SLC25A43: variants seen among roughly 807,000 people sequenced by gnomAD.
SLC25A43 encodes the protein solute carrier family 25 member 43.
In SLC25A43, 10 loss-of-function variants were observed where a neutral mutation model predicts 22.8. The ratio of observed to expected loss-of-function variants is 0.44; its 90% confidence interval spans 0.27 to 0.74. The LOEUF (loss-of-function observed/expected upper bound fraction) is 0.74, where lower values mean the gene tolerates loss of function less well. Ranked by LOEUF, SLC25A43 falls within the 30% of genes least tolerant of loss-of-function variation. The pLI, the probability that SLC25A43 is intolerant of heterozygous loss-of-function variation, is 0.17. For missense variants in SLC25A43, 233 were observed against 279.1 expected, an observed-to-expected ratio of 0.83 and a Z score of 1.18; for synonymous variants, 106 against 121.6, an observed-to-expected ratio of 0.87 and a Z score of 0.84.
intron 3 of SLC25A43, among the ~76,000 whole-genome samples, chrX:119,448,270 A>G (rs1391432583): frequency 1.8e-5 from 2 of 111,020 alleles, no homozygotes; most frequent in Non-Finnish European, 3.8e-5. Flanking sequence ...TACTCTAGTA[A>G]TCTCCTAACC....
At chrX:119,448,531 T>C (rs1360445149) in intron 3 of SLC25A43, among the ~76,000 whole-genome samples, 1 of 111,272 alleles carries the variant, frequency 9.0e-6, no homozygotes, top group African/African-American at 3.3e-5. Flanking sequence ...CACATTGGCC[T>C]CCTCATTGCC....
intron 3 of SLC25A43, 66 bp downstream of exon 3, chrX:119,410,428 A>G: frequency 9.0e-7 from 1 of 1,105,509 alleles, no homozygotes; most frequent in Non-Finnish European, 1.2e-6. Flanking sequence ...GGGTAATAAC[A>G]GCAAAGAACA....
chrX:119,433,344 T>C (rs1000085996), intron 3 of SLC25A43, among the ~76,000 whole-genome samples: 2 of 111,595 alleles, frequency 1.8e-5, no homozygotes, highest in African/African-American at 6.5e-5. Context: ...ACTCACATTA[T>C]GGACAGGAAT....
At chrX:119,444,556 A>T (rs1167694897) in intron 3 of SLC25A43, among the ~76,000 whole-genome samples, 3 of 109,348 alleles carry the variant, frequency 2.7e-5, no homozygotes, top group Non-Finnish European at 5.7e-5. Flanking sequence ...ATACAAAAAA[A>T]GCCAGGCATG....
At chrX:119,452,299 C>T (rs1037461085) in intron 4 of SLC25A43, among the ~76,000 whole-genome samples, 156 bp downstream of exon 4, 1 of 111,135 alleles carries the variant, frequency 9.0e-6, no homozygotes, top group African/African-American at 3.3e-5. Flanking sequence ...CTGTCAGCCC[C>T]GTAGAGAGGG....
In SLC25A43 at chrX:119,452,038, A is replaced by G. The variant is rs1218825911; in HGVS notation, c.720A>G (p.Gly240=). The G allele has an allele frequency of 1.7e-6, 2 of 1,211,122 alleles. No homozygotes were observed. The highest frequency in any genetic ancestry group is 3.5e-5 in the African/African-American group (2 of 57,704). ...QAQSPYLPHS[G]GVDVHFSGAV... is the part of the protein sequence containing the mutation. The stretch of plus-strand genomic sequence containing the variant: ...AGAGCCCCTACCTCCCACACAGTGG[A>G]GGAGTAGATGTCCATTTCTCAGGAG... The change falls in exon 4 of 5, where the codon GGA becomes GGG. Residue 240 remains glycine (G), a synonymous_variant. Transcript: ENST00000217909.
At chrX:119,445,751 C>T (rs749335826) in intron 3 of SLC25A43, among the ~76,000 whole-genome samples, 20 of 111,055 alleles carry the variant, frequency 1.8e-4, no homozygotes, top group Non-Finnish European at 3.6e-4. Context: ...ATCTTAGGGT[C>T]CATTTCAGAT....
chrX:119,443,116 CTTTTT>C lies in SLC25A43; in HGVS notation c.691-8876_691-8872del, dbSNP rs58081965. Among the ~76,000 whole-genome samples, 131 of 73,451 alleles carry C rather than the reference CTTTTT, an allele frequency of 1.8e-3. 1 individual carries two copies. Among genetic ancestry groups the C allele is most frequent in the African/African-American group, 6.8e-3 (129 of 18,867 alleles). 63.8% of individuals were successfully genotyped at this position (73,451 alleles called of 115,157 possible). A position where few individuals can be genotyped will look rare whatever the true frequency, so the allele number is the denominator to read the frequency against. On this transcript the variant is annotated intron_variant, in intron 3 of 4. Coordinates refer to ENST00000217909, the MANE Select transcript of SLC25A43 (RefSeq NM_145305.3). ...CAGTCTTTCTTTTCCCATTCTCTCT[CTTTTT>C]TTTTTTTTTTTTTTTTGAGACAGAA...
intron 3 of SLC25A43, among the ~76,000 whole-genome samples, chrX:119,425,051 A>C (rs1266121051): frequency 2.4e-5 from 2 of 81,995 alleles, no homozygotes; most frequent in East Asian, 7.1e-4. Context: ...TGGTTAACTC[A>C]AGTTAGAGAG....
chrX:119,424,412 TAGTA>T (rs1379997883), intron 3 of SLC25A43, among the ~76,000 whole-genome samples: 1 of 110,875 alleles, frequency 9.0e-6, no homozygotes, highest in East Asian at 2.8e-4. Flanking sequence ...ATCACATAGC[TAGTA>T]AGTAAGTGGC....
chrX:119,447,778 CCTT>C (rs1268731881), intron 3 of SLC25A43, among the ~76,000 whole-genome samples: 1 of 110,860 alleles, frequency 9.0e-6, no homozygotes, highest in Admixed American at 9.7e-5. Flanking sequence ...ACCAACTGCT[CCTT>C]CTCAGTCTTC....
At chrX:119,426,372 C>A in intron 3 of SLC25A43, 1 of 336,785 alleles carries the variant, frequency 3.0e-6, no homozygotes, top group Non-Finnish European at 3.9e-6. Flanking sequence ...TGGTGCCTAC[C>A]TCATCTACTT....
At chrX:119,450,124 G>T (rs1267784252) in intron 3 of SLC25A43, among the ~76,000 whole-genome samples, 2 of 111,575 alleles carry the variant, frequency 1.8e-5, no homozygotes, top group African/African-American at 6.5e-5. Flanking sequence ...GTCAGTGGGA[G>T]GTCAGAGCCA....
At chrX:119,410,383 G>T (rs1569366828) in intron 3 of SLC25A43, 21 bp downstream of exon 3, 2 of 1,205,259 alleles carry the variant, frequency 1.7e-6, no homozygotes, top group Non-Finnish European at 2.2e-6. Flanking sequence ...ATCAGAGTGG[G>T]GTAGGGGGTG....
At chrX:119,417,631 A>C (rs1481311342) in intron 3 of SLC25A43, among the ~76,000 whole-genome samples, 1 of 110,341 alleles carries the variant, frequency 9.1e-6, no homozygotes, top group East Asian at 2.8e-4. Context: ...ACAACCCACT[A>C]TAAACTGGGG....
At chrX:119,422,330 C>G (rs1180907498) in intron 3 of SLC25A43, among the ~76,000 whole-genome samples, 2 of 111,766 alleles carry the variant, frequency 1.8e-5, no homozygotes, top group Non-Finnish European at 3.8e-5. Context: ...CACTATTGCC[C>G]TGCTGTTCCC....
chrX:119,430,721 G>T (rs1179756609), intron 3 of SLC25A43, among the ~76,000 whole-genome samples: 1 of 112,436 alleles, frequency 8.9e-6, no homozygotes, highest in African/African-American at 3.2e-5. Flanking sequence ...GTCACTGAGG[G>T]TTTTTAAAAG....
chrX:119,448,608 A>C, intron 3 of SLC25A43, among the ~76,000 whole-genome samples: 1 of 110,726 alleles, frequency 9.0e-6, no homozygotes, highest in Middle Eastern at 4.7e-3. Context: ...TTGCTTCCTC[A>C]CTTCCTTCAG....
chrX:119,413,604 G>T (rs1276076778), intron 3 of SLC25A43, among the ~76,000 whole-genome samples: 6 of 100,279 alleles, frequency 6.0e-5, no homozygotes, highest in African/African-American at 2.2e-4. Flanking sequence ...CTACTTGGGA[G>T]GCTGAGGTAA....
Sources: gnomAD v4.1 joint callset for allele counts (sites outside exome capture counted in the v4.1 genomes callset) on GRCh38, gnomAD v4.1.1 for gene constraint, MANE v1.5 for transcripts, NCBI Gene and HGNC (gene_info 2026-07-23, HGNC 2026-07-21) for gene names.